Variants in ESRRG observed in about 807,000 individuals in gnomAD.
ESRRG encodes estrogen-related receptor gamma.
ESRRG carries 13 observed loss-of-function variants against 44.0 expected under a neutral mutation model. The observed-to-expected ratio is 0.30, with a 90% CI of 0.19 to 0.47. The LOEUF is 0.47. Ranked by LOEUF, ESRRG falls within the 20% of genes least tolerant of loss-of-function variation. ESRRG has a pLI of 1.00. For missense variants in ESRRG, 395 were observed against 580.6 expected (o/e 0.68, Z 3.29); for synonymous variants, 215 against 214.6 (o/e 1.00, Z -0.02).
chr1:216,705,552 C>A (rs1183666687), intron 1 of ESRRG, among the ~76,000 whole-genome samples: 2 of 152,134 alleles, frequency 1.3e-5, no homozygotes, highest in Non-Finnish European at 2.9e-5. Context: ...ATTTGAAGTG[C>A]AAAACAGGCT....
chr1:216,679,625 T>TTTTTTTC (rs1353796301), intron 1 of ESRRG, among the ~76,000 whole-genome samples: 1 of 130,988 alleles, frequency 7.6e-6, no homozygotes, highest in Non-Finnish European at 1.8e-5. Context: ...ATTTGGAATT[T>TTTTTTTC]TTTTTTTCTT....
chr1:216,802,229 A>T (rs1293909916), intron 2 of ESRRG, among the ~76,000 whole-genome samples: 1 of 152,048 alleles, frequency 6.6e-6, no homozygotes, highest in Admixed American at 6.6e-5. Flanking sequence ...TATGGAGGCC[A>T]AGCAAGTTTT....
At chr1:216,581,463 T>C (rs1183102495) in intron 3 of ESRRG, among the ~76,000 whole-genome samples, 3 of 152,154 alleles carry the variant, frequency 2.0e-5, no homozygotes, top group African/African-American at 7.2e-5. Context: ...CTGATAATGA[T>C]TTGGCCCAGC....
chr1:216,954,278 T>G (rs116581685), intron 1 of ESRRG, among the ~76,000 whole-genome samples: 2,082 of 152,118 alleles, frequency 0.014, 44 homozygotes, highest in African/African-American at 0.043. Flanking sequence ...AAATAAAAAC[T>G]TCAACACAGC....
At chr1:217,099,697 A>G (rs143589997) in intron 1 of ESRRG, among the ~76,000 whole-genome samples, 112 of 152,342 alleles carry the variant, frequency 7.4e-4, no homozygotes, top group Non-Finnish European at 1.4e-3. Context: ...CTAGAGTTCT[A>G]ACGGCAGCCA....
intron 2 of ESRRG, among the ~76,000 whole-genome samples, chr1:216,842,734 G>A (rs540373806): frequency 1.3e-5 from 2 of 152,244 alleles, no homozygotes; most frequent in South Asian, 2.1e-4. Flanking sequence ...CCATTGGCAG[G>A]AAAGCAATAC....
At chr1:216,950,024 G>A (rs1288347879) in intron 1 of ESRRG, among the ~76,000 whole-genome samples, 1 of 150,908 alleles carries the variant, frequency 6.6e-6, no homozygotes, top group African/African-American at 2.5e-5. Context: ...TGTTGGCCAG[G>A]CTGGTCTTGA....
chr1:216,985,072 C>T lies in ESRRG; in HGVS notation c.-105-45399G>A, dbSNP rs555231075. Among the ~76,000 whole-genome samples the T allele has an allele frequency of 1.1e-4, 16 of 152,250 alleles. No homozygotes were observed. In the South Asian group the frequency reaches 3.1e-3, roughly 30 times the overall value. On this transcript the variant is annotated intron_variant, in intron 1 of 7. Coordinates refer to the ESRRG transcript ENST00000359162. ...CACGGCTGGGTTTGCCAGTATGGAA[C>T]CCCTTTATGGCAGGTGCAGCTTCCA...
At chr1:216,579,087 AT>A (rs1418784900) in intron 3 of ESRRG, among the ~76,000 whole-genome samples, 1 of 152,152 alleles carries the variant, frequency 6.6e-6, no homozygotes, top group East Asian at 1.9e-4. Flanking sequence ...TTCCTGTTCA[AT>A]TTATTTCCAT....
chr1:216,863,956 CTTTAA>C (rs2096098578), intron 2 of ESRRG: 1 of 152,116 alleles, frequency 6.6e-6, no homozygotes, highest in Admixed American at 6.6e-5. Context: ...GTGTATTTCT[CTTTAA>C]TTTAATGAAA....
chr1:216,810,955 A>G (rs1490547140), intron 2 of ESRRG, among the ~76,000 whole-genome samples: 1 of 151,970 alleles, frequency 6.6e-6, no homozygotes, highest in Non-Finnish European at 1.5e-5. Flanking sequence ...TAGAAGAGGC[A>G]TAGAGAAACT....
chr1:217,074,990 G>A (rs986830602), intron 1 of ESRRG, among the ~76,000 whole-genome samples: 1 of 152,094 alleles, frequency 6.6e-6, no homozygotes, highest in African/African-American at 2.4e-5. Flanking sequence ...TATCCTTGGG[G>A]ATTGGTTCTG....
chr1:216,520,039 G>T (rs1269055520), intron 5 of ESRRG, among the ~76,000 whole-genome samples: 1 of 152,016 alleles, frequency 6.6e-6, no homozygotes, highest in Non-Finnish European at 1.5e-5. Context: ...GTGATAATAG[G>T]TATAAAAGAA....
intron 1 of ESRRG, among the ~76,000 whole-genome samples, chr1:217,051,112 C>G (rs981673953): frequency 1.3e-5 from 2 of 149,110 alleles, no homozygotes; most frequent in African/African-American, 4.9e-5. Flanking sequence ...TATCCAGGAT[C>G]TAAGGCCTAG....
chr1:216,723,435 C>G (rs2086806162), upstream of ESRRG: 1 of 747,816 alleles, frequency 1.3e-6, no homozygotes, highest in Admixed American at 2.2e-5. Context: ...AGCTCTCACA[C>G]TCTCCTAATC....
At chr1:216,727,544 T>C (rs1330511160), upstream of ESRRG, among the ~76,000 whole-genome samples, 3 of 152,266 alleles carry the variant, frequency 2.0e-5, no homozygotes, top group Admixed American at 6.5e-5. Flanking sequence ...CCTTTCCCAC[T>C]GAGAACACGC....
At chr1:217,031,200 T>A (rs1001728499) in intron 1 of ESRRG, among the ~76,000 whole-genome samples, 3 of 152,256 alleles carry the variant, frequency 2.0e-5, no homozygotes, top group Non-Finnish European at 4.4e-5. Flanking sequence ...CTGAAATATT[T>A]ACTATCTCGC....
At chr1:216,522,588 T>C (rs770526192) in intron 5 of ESRRG, among the ~76,000 whole-genome samples, 2 of 152,252 alleles carry the variant, frequency 1.3e-5, no homozygotes, top group Middle Eastern at 3.4e-3. Context: ...TGTTATAAGA[T>C]AGTCATGTTC....
intron 3 of ESRRG, among the ~76,000 whole-genome samples, chr1:216,625,423 C>CCAAAAAAAA (rs2063013373): frequency 8.6e-6 from 1 of 115,700 alleles, no homozygotes; most frequent in Non-Finnish European, 1.7e-5. Flanking sequence ...GCTCATTTGG[C>CCAAAAAAAA]AAAAAAAAAA....
Sources: allele counts gnomAD v4.1 joint callset (sites outside exome capture counted in the v4.1 genomes callset), GRCh38; gene constraint gnomAD v4.1.1; transcripts MANE v1.5; gene names NCBI Gene and HGNC (gene_info 2026-07-23, HGNC 2026-07-21).